CSMD1: variants seen among roughly 807,000 people sequenced by gnomAD.
CSMD1 encodes the protein CUB and sushi domain-containing protein 1.
Under a neutral mutation model 417.5 loss-of-function variants are expected in CSMD1, and 213 were observed. The ratio of observed to expected loss-of-function variants is 0.51; its 90% CI spans 0.46 to 0.57. The LOEUF is 0.57. Ranked by LOEUF, CSMD1 falls within the 20% of genes least tolerant of loss-of-function variation. CSMD1 has a pLI of 0.00. For missense variants in CSMD1, 6,923 were observed against 4,529.7 expected, an observed-to-expected ratio of 1.53 and a Z score of -15.17; for synonymous variants, 2,862 against 1,736.8, an observed-to-expected ratio of 1.65 and a Z score of -16.11.
chr8:3,793,491 T>G (rs1439145375), intron 5 of CSMD1, among the ~76,000 whole-genome samples: 1 of 142,194 alleles, frequency 7.0e-6, no homozygotes, highest in African/African-American at 2.6e-5. Flanking sequence ...AAGCCAGCCC[T>G]CTTGTGCCCC....
chr8:4,087,714 A>C lies in CSMD1; in HGVS notation c.416-55615T>G, dbSNP rs941145606. Among the ~76,000 whole-genome samples the C allele has an allele frequency of 2.7e-5, 4 of 150,600 alleles. No homozygotes were observed. The South Asian group carries it at 8.5e-4, about 32-fold the overall frequency. On this transcript the variant is annotated intron_variant, in intron 3 of 69. Coordinates refer to ENST00000635120, the MANE Select transcript of CSMD1 (RefSeq NM_033225.6). ...CTCTGCCTGGCATCCTGCCTCCCAC[A>C]CTCTCAACCGCACCCTTTCTTCTGT...
intron 7 of CSMD1, among the ~76,000 whole-genome samples, chr8:3,637,759 A>T (rs1378180941): frequency 6.6e-6 from 1 of 152,136 alleles, no homozygotes; most frequent in Non-Finnish European, 1.5e-5. Flanking sequence ...CTCATCTTGA[A>T]TTGTAGCTCC....
At chr8:4,239,892 AG>A (rs1485945078) in intron 3 of CSMD1, among the ~76,000 whole-genome samples, 1 of 152,230 alleles carries the variant, frequency 6.6e-6, no homozygotes, top group African/African-American at 2.4e-5. Flanking sequence ...TTGCAGCATT[AG>A]CAATTTGCAT....
In CSMD1 at chr8:4,058,389, C is replaced by T. The variant is rs573719931; in HGVS notation, c.416-26290G>A. On this transcript the variant is annotated intron_variant, in intron 3 of 69. Transcript: ENST00000635120. ...TGATTTTTGTCCATTGATTTTGTAT[C>T]CTCAGACTTTGCTGAAGATGCTTAT... is the stretch of plus-strand genomic sequence containing the variant. 6.6e-5 allele frequency among the ~76,000 whole-genome samples: 10 copies of T among 152,176 alleles called. 1 individual carries two copies. The highest frequency in any genetic ancestry group is 4.6e-4 in the Admixed American group (7 of 15,266).
intron 26 of CSMD1, among the ~76,000 whole-genome samples, chr8:3,253,949 G>C (rs959229583): frequency 1.3e-5 from 2 of 152,186 alleles, no homozygotes; most frequent in African/African-American, 2.4e-5. Context: ...CTCATTAGTT[G>C]ATGCTGTTTC....
chr8:4,324,896 G>C (rs530536788), intron 3 of CSMD1, among the ~76,000 whole-genome samples: 1 of 152,156 alleles, frequency 6.6e-6, no homozygotes, highest in African/African-American at 2.4e-5. Context: ...AAGGCACTCT[G>C]AGTCCTGAGT....
intron 4 of CSMD1, among the ~76,000 whole-genome samples, chr8:4,010,331 C>T (rs182969207): frequency 6.6e-6 from 1 of 152,278 alleles, no homozygotes; most frequent in African/African-American, 2.4e-5. Context: ...CATCTACAAA[C>T]CCCTACTTGA....
intron 1 of CSMD1, among the ~76,000 whole-genome samples, chr8:4,646,674 T>C (rs1037110358): frequency 6.6e-6 from 1 of 152,184 alleles, no homozygotes; most frequent in Non-Finnish European, 1.5e-5. Flanking sequence ...TATTTTAAAA[T>C]TGTAATACCA....
At chr8:3,949,023 G>T (rs779372190) in intron 5 of CSMD1, among the ~76,000 whole-genome samples, 1 of 151,924 alleles carries the variant, frequency 6.6e-6, no homozygotes, top group African/African-American at 2.4e-5. Flanking sequence ...ATCTGAACTA[G>T]AATTTTCTAA....
At chr8:4,621,592 T>G (rs1445109758) in intron 2 of CSMD1, among the ~76,000 whole-genome samples, 1 of 152,086 alleles carries the variant, frequency 6.6e-6, no homozygotes, top group Non-Finnish European at 1.5e-5. Context: ...AGGAGCAGAT[T>G]TTTCTGTCTT....
intron 12 of CSMD1, among the ~76,000 whole-genome samples, chr8:3,425,095 A>C (rs270068): frequency 0.94 from 143,573 of 152,278 alleles, 68,129 homozygotes; most frequent in Non-Finnish European, 1. Flanking sequence ...CTGTCCCAGC[A>C]TCCCAAAGCG....
At chr8:4,195,171 A>G in intron 3 of CSMD1, among the ~76,000 whole-genome samples, 1 of 152,224 alleles carries the variant, frequency 6.6e-6, no homozygotes, top group Admixed American at 6.5e-5. Flanking sequence ...ACATGTGTGT[A>G]CACTGACTTG....
chr8:2,962,613 G>C lies in CSMD1; in HGVS notation c.9481C>G (p.Pro3161Ala). ...TTCCCACTAAGTCGCCCTTCTGCGG[G>C]GATGCCAGGGTCTCCGCAGAACACA... ...LPVFCGDPGI[P>A]AEGRLSGKSF... The change falls in exon 61 of 70, where the codon CCC (proline) becomes GCC (alanine). Residue 3161 changes from proline (P) to alanine (A), a missense_variant. Coordinates refer to ENST00000635120, the MANE Select transcript of CSMD1 (RefSeq NM_033225.6). The C allele has an allele frequency of 1.2e-6, 2 of 1,613,808 alleles. No homozygotes were observed. Among genetic ancestry groups the C allele is most frequent in the Non-Finnish European group, 1.7e-6 (2 of 1,179,814 alleles).
chr8:4,988,301 A>G (rs1047621789), intron 1 of CSMD1, among the ~76,000 whole-genome samples: 1 of 152,248 alleles, frequency 6.6e-6, no homozygotes, highest in East Asian at 1.9e-4. Flanking sequence ...GTATCAAAGT[A>G]TCCAAGGATA....
chr8:3,255,092 C>G (rs552706991), intron 26 of CSMD1, among the ~76,000 whole-genome samples: 6 of 152,302 alleles, frequency 3.9e-5, no homozygotes, highest in East Asian at 1.9e-4. Flanking sequence ...TTGTAACAGT[C>G]AGGACCCTCA....
intron 1 of CSMD1, among the ~76,000 whole-genome samples, chr8:4,647,920 G>C (rs762430568): frequency 6.6e-6 from 1 of 152,146 alleles, no homozygotes; most frequent in Non-Finnish European, 1.5e-5. Flanking sequence ...ATATTCCTTT[G>C]GGTATATACC....
intron 1 of CSMD1, among the ~76,000 whole-genome samples, chr8:4,926,214 C>G (rs1196176618): frequency 6.6e-6 from 1 of 152,122 alleles, no homozygotes; most frequent in Non-Finnish European, 1.5e-5. Context: ...AAGAAAGAGG[C>G]TGCTATTACA....
chr8:3,387,278 A>C (rs924181434), intron 18 of CSMD1, among the ~76,000 whole-genome samples: 2 of 152,210 alleles, frequency 1.3e-5, no homozygotes, highest in Non-Finnish European at 2.9e-5. Flanking sequence ...TTCGGGGATA[A>C]AGTTGAAGGA....
chr8:3,540,562 C>T (rs1395507407), intron 10 of CSMD1, among the ~76,000 whole-genome samples: 8 of 152,002 alleles, frequency 5.3e-5, no homozygotes, highest in Non-Finnish European at 7.4e-5. Context: ...AGCTTCTGCA[C>T]GACAAAAGAA....
Sources: gnomAD v4.1 joint callset for allele counts (sites outside exome capture counted in the v4.1 genomes callset) on GRCh38, gnomAD v4.1.1 for gene constraint, MANE v1.5 for transcripts, NCBI Gene and HGNC (gene_info 2026-07-23, HGNC 2026-07-21) for gene names.